GALNTL6: variants seen among roughly 807,000 people sequenced by gnomAD.
GALNTL6 encodes polypeptide N-acetylgalactosaminyltransferase like 6, also known as polypeptide N-acetylgalactosaminyltransferase-like 6.
A neutral mutation model predicts 73.7 loss-of-function variants in GALNTL6; 46 were observed. The observed-to-expected ratio is 0.62, with a 90% CI of 0.49 to 0.80. The LOEUF (loss-of-function observed/expected upper bound fraction) is 0.80, where lower values mean the gene tolerates loss of function less well. Among genes scored for constraint, GALNTL6 ranks in the 30% least tolerant of loss-of-function variants. The pLI, the probability that GALNTL6 is intolerant of heterozygous loss-of-function variation, is 0.00. For synonymous variants in GALNTL6, 259 were observed against 263.7 expected (o/e 0.98, Z 0.17); for missense variants, 604 against 755.0 (o/e 0.80, Z 2.34).
intron 5 of GALNTL6, among the ~76,000 whole-genome samples, chr4:172,767,301 C>G (rs1002388097): frequency 6.6e-6 from 1 of 152,120 alleles, no homozygotes; most frequent in Non-Finnish European, 1.5e-5. Context: ...TCACAGAGGC[C>G]AGATGTTTTC....
At chr4:172,103,613 A>G (rs566048428) in intron 2 of GALNTL6, among the ~76,000 whole-genome samples, 1 of 152,332 alleles carries the variant, frequency 6.6e-6, no homozygotes, top group Non-Finnish European at 1.5e-5. Context: ...CTAGAGAAAC[A>G]GGTACAATTC....
intron 2 of GALNTL6, among the ~76,000 whole-genome samples, chr4:172,087,177 C>A (rs896700246): frequency 6.6e-6 from 1 of 152,170 alleles, no homozygotes; most frequent in Non-Finnish European, 1.5e-5. Context: ...GGCGCAGTGG[C>A]TCACGCCTGT....
At chr4:172,124,959 C>T (rs1395684771) in intron 2 of GALNTL6, among the ~76,000 whole-genome samples, 4 of 151,866 alleles carry the variant, frequency 2.6e-5, no homozygotes, top group Non-Finnish European at 4.4e-5. Flanking sequence ...TTGAGGAAAA[C>T]TTTGCTTTTT....
intron 7 of GALNTL6, among the ~76,000 whole-genome samples, chr4:172,855,784 C>T (rs746740652): frequency 2.6e-5 from 4 of 152,216 alleles, no homozygotes; most frequent in Non-Finnish European, 5.9e-5. Context: ...CCCGAGGCCA[C>T]GGGCTCCTGT....
At chr4:172,268,592 C>A (rs551405058) in intron 3 of GALNTL6, among the ~76,000 whole-genome samples, 2 of 152,182 alleles carry the variant, frequency 1.3e-5, no homozygotes, top group African/African-American at 4.8e-5. Context: ...TAGCTAATAC[C>A]TTTCGCAGTT....
chr4:172,775,989 G>C (rs1264750896), intron 5 of GALNTL6, among the ~76,000 whole-genome samples: 4 of 152,130 alleles, frequency 2.6e-5, no homozygotes, highest in Admixed American at 6.5e-5. Flanking sequence ...GTGAGGTAGG[G>C]AGGAGAATCA....
At chr4:172,948,015 C>T (rs1369426269) in intron 9 of GALNTL6, among the ~76,000 whole-genome samples, 7 of 152,150 alleles carry the variant, frequency 4.6e-5, no homozygotes, top group Non-Finnish European at 8.8e-5. Flanking sequence ...CAAACTAACA[C>T]AATGTTTTAT....
intron 2 of GALNTL6, among the ~76,000 whole-genome samples, chr4:172,035,051 A>C (rs1432792511): frequency 6.6e-6 from 1 of 152,108 alleles, no homozygotes; most frequent in Non-Finnish European, 1.5e-5. Flanking sequence ...ATAACTTGCC[A>C]TTTTCACAGT....
intron 2 of GALNTL6, among the ~76,000 whole-genome samples, chr4:171,853,339 T>C (rs1364183235): frequency 6.6e-6 from 1 of 151,924 alleles, no homozygotes; most frequent in Non-Finnish European, 1.5e-5. Flanking sequence ...AAGTTTTGCC[T>C]CCTCACACCT....
At chr4:172,918,751 C>T (rs1747653826) in intron 8 of GALNTL6, among the ~76,000 whole-genome samples, 1 of 152,062 alleles carries the variant, frequency 6.6e-6, no homozygotes, top group Non-Finnish European at 1.5e-5. Context: ...TTAATTTGGT[C>T]CTTACAACCA....
chr4:172,314,711 G>A (rs137953551), intron 4 of GALNTL6, among the ~76,000 whole-genome samples: 373 of 144,678 alleles, frequency 2.6e-3, no homozygotes, highest in African/African-American at 8.5e-3. Flanking sequence ...GGGTTCAAGC[G>A]ATTCTCCTGC....
At chr4:172,339,966 T>C (rs1385214192) in intron 4 of GALNTL6, among the ~76,000 whole-genome samples, 1 of 152,224 alleles carries the variant, frequency 6.6e-6, no homozygotes, top group Admixed American at 6.5e-5. Context: ...TGAGGCCATC[T>C]TGAAACAACA....
chr4:171,867,799 T>G (rs1736010286), intron 2 of GALNTL6, among the ~76,000 whole-genome samples: 1 of 152,316 alleles, frequency 6.6e-6, no homozygotes, highest in Admixed American at 6.5e-5. Context: ...TTCTGTATGA[T>G]CTTGGCTCTG....
intron 5 of GALNTL6, among the ~76,000 whole-genome samples, chr4:172,583,023 A>T (rs1216690618): frequency 6.6e-6 from 1 of 152,130 alleles, no homozygotes; most frequent in Admixed American, 6.5e-5. Flanking sequence ...TAGAGAAGTT[A>T]TTTATTTTTT....
At chr4:172,116,997 A>C (rs1160637071) in intron 2 of GALNTL6, among the ~76,000 whole-genome samples, 1 of 152,190 alleles carries the variant, frequency 6.6e-6, no homozygotes, top group Non-Finnish European at 1.5e-5. Context: ...GCATAGATGC[A>C]TGTGTGTGTA....
intron 2 of GALNTL6, among the ~76,000 whole-genome samples, chr4:172,131,860 C>T (rs1733508393): frequency 6.6e-6 from 1 of 151,766 alleles, no homozygotes; most frequent in Non-Finnish European, 1.5e-5. Flanking sequence ...CACTGGTCAA[C>T]CATGTAAAAT....
intron 2 of GALNTL6, among the ~76,000 whole-genome samples, chr4:172,103,984 C>T (rs1732601201): frequency 6.7e-6 from 1 of 149,408 alleles, no homozygotes; most frequent in Admixed American, 6.7e-5. Context: ...CGCTCTTTTG[C>T]CCAGGCTGGG....
At chr4:172,738,170 A>G (rs1437025534) in intron 5 of GALNTL6, among the ~76,000 whole-genome samples, 2 of 152,202 alleles carry the variant, frequency 1.3e-5, no homozygotes, top group African/African-American at 4.8e-5. Context: ...AAATTTGTTG[A>G]CAACCTCAAT....
At chr4:172,316,096 T>C (rs746910221) in intron 4 of GALNTL6, among the ~76,000 whole-genome samples, 32 of 152,226 alleles carry the variant, frequency 2.1e-4, no homozygotes, top group African/African-American at 3.8e-4. Context: ...GAAGAATTAA[T>C]CAAAAGTTAT....
Sources: allele counts gnomAD v4.1 joint callset (sites outside exome capture counted in the v4.1 genomes callset), GRCh38; gene constraint gnomAD v4.1.1; transcripts MANE v1.5; gene names NCBI Gene and HGNC (gene_info 2026-07-23, HGNC 2026-07-21).